Variants in CEP170 observed in about 807,000 individuals in gnomAD.
CEP170 encodes the protein centrosomal protein of 170 kDa.
In CEP170, 21 loss-of-function variants were observed where a neutral mutation model predicts 151.9. That is an observed-to-expected ratio of 0.14 (90% CI 0.10 to 0.20). CEP170 has a LOEUF of 0.20. CEP170 is among the 10% of genes least tolerant of loss of function. The pLI is 1.00. For synonymous variants in CEP170, 356 were observed against 648.8 expected (o/e 0.55, Z 6.86); for missense variants, 964 against 1,892.9 (o/e 0.51, Z 9.11).
chr1:243,175,921 C>A (rs1328490736), intron 10 of CEP170, among the ~76,000 whole-genome samples: 2 of 152,080 alleles, frequency 1.3e-5, no homozygotes. Context: ...CTCAGCCTCC[C>A]GAGTAGCTGG....
chr1:243,205,918 A>G (rs1028803839), intron 4 of CEP170, among the ~76,000 whole-genome samples: 1 of 151,982 alleles, frequency 6.6e-6, no homozygotes, highest in African/African-American at 2.4e-5. Context: ...GAACAAAAAA[A>G]CAACAAACAA....
chr1:243,227,725 TGTCA>T (rs1483704493), intron 1 of CEP170, among the ~76,000 whole-genome samples: 1 of 152,230 alleles, frequency 6.6e-6, no homozygotes, highest in Non-Finnish European at 1.5e-5. Context: ...GTTTTTGTAA[TGTCA>T]GGGCAAATGT....
chr1:243,211,811 T>C, intron 4 of CEP170, 75 bp downstream of exon 4: 14 of 1,515,358 alleles, frequency 9.2e-6, no homozygotes, highest in Non-Finnish European at 1.3e-5. Flanking sequence ...GAATTGTGTT[T>C]TAAAAATGTT....
chr1:243,149,775 A>C (rs1465464630), intron 14 of CEP170, among the ~76,000 whole-genome samples: 1 of 152,254 alleles, frequency 6.6e-6, no homozygotes, highest in Non-Finnish European at 1.5e-5. Flanking sequence ...GAAAAGCATT[A>C]TATTACCTTA....
intron 1 of CEP170, among the ~76,000 whole-genome samples, chr1:243,233,741 A>AAAAAAATATAT: frequency 7.1e-6 from 1 of 140,414 alleles, no homozygotes; most frequent in African/African-American, 2.6e-5. Flanking sequence ...TCAAAAAAAA[A>AAAAAAATATAT]ATATATATAT....
Position 243,164,620 on chromosome 1 carries a change from T to C in CEP170, c.3340A>G (p.Ser1114Gly), listed in dbSNP as rs781587995. The change falls in exon 13 of 20, where the codon AGT becomes GGT. Residue 1114 changes from serine (S) to glycine (G), a missense_variant. Coordinates refer to ENST00000366542, the MANE Select transcript of CEP170 (RefSeq NM_014812.3). ...GCTTTGTCAGCATCAGCAAGTTCAC[T>C]GTCTGAAGCTTCACCAAGTCGTGCT... ...RRARLGEASD[S>G]ELADADKASV... 5 of 1,613,806 alleles carry C rather than the reference T, an allele frequency of 3.1e-6. No homozygotes were observed. The highest frequency in any genetic ancestry group is 2.2e-5 in the East Asian group (1 of 44,888).
At chr1:243,253,183 C>T (rs2066105761) in intron 1 of CEP170, 1 of 152,154 alleles carries the variant, frequency 6.6e-6, no homozygotes, top group Non-Finnish European at 1.5e-5. Context: ...GACATCTTTC[C>T]TCATGTAGTA....
chr1:243,200,719 G>A (rs774148503), intron 5 of CEP170, 39 bp from the exon 6 acceptor site: 8 of 1,602,840 alleles, frequency 5.0e-6, no homozygotes, highest in African/African-American at 1.3e-5. Context: ...ACATCAAGAA[G>A]TAAAATCAAC....
At chr1:243,230,096 A>G (rs924035840) in intron 1 of CEP170, among the ~76,000 whole-genome samples, 2 of 152,124 alleles carry the variant, frequency 1.3e-5, no homozygotes, top group African/African-American at 4.8e-5. Context: ...CACATATGTA[A>G]TCTCTCCACT....
chr1:243,221,640 G>A, intron 3 of CEP170, 84 bp downstream of exon 3: 1 of 1,331,134 alleles, frequency 7.5e-7, no homozygotes, highest in Non-Finnish European at 1.0e-6. Context: ...AAAAGAAAAT[G>A]TAGCTAGGAA....
At position 243,166,101 on chromosome 1, in the gene CEP170, T is replaced by G; in HGVS notation, c.1859A>C (p.Glu620Ala). The G allele has an allele frequency of 1.9e-6, 3 of 1,612,864 alleles. No individual in the cohort carries two copies. Among genetic ancestry groups the G allele is most frequent in the Non-Finnish European group, 2.5e-6 (3 of 1,179,378 alleles). ...AGTACTTCTCACTGTCATGCCAGAC[T>G]CACTGATCTCTGTCTCTATGAAATA... ...LPLENETEIS[E>A]SGMTVRSTGS... Residue 620 changes from glutamate (E) to alanine (A), a missense_variant, in exon 13 of 20, where the codon GAG becomes GCG. Transcript: ENST00000366542.
At chr1:243,152,438 G>C (rs371158698) in intron 14 of CEP170, among the ~76,000 whole-genome samples, 1 of 148,918 alleles carries the variant, frequency 6.7e-6, no homozygotes, top group African/African-American at 2.5e-5. Flanking sequence ...AGCCAAGATC[G>C]TCTCAATCTC....
In CEP170 at chr1:243,140,022, C is replaced by A; in HGVS notation, c.4145G>T (p.Gly1382Val). 1.2e-6 allele frequency: 2 copies of A among 1,613,944 alleles called. No homozygotes were observed. The highest frequency in any genetic ancestry group is 1.7e-6 in the Non-Finnish European group (2 of 1,179,876). The change falls in exon 16 of 20, where the codon GGT (glycine) becomes GTT (valine). Residue 1382 changes from glycine (G) to valine (V), a missense_variant. Coordinates refer to ENST00000366542, the MANE Select transcript of CEP170 (RefSeq NM_014812.3). The stretch of plus-strand genomic sequence containing the variant: ...TTGAGGTCTTGGATCACCAGATCGA[C>A]CGTTGTTTCCTTCTGGTGTTTTGGA... ...VHSKTPEGNNGRSGDPRPQAA... is the reference protein window; with the variant it reads ...VHSKTPEGNNVRSGDPRPQAA...
chr1:243,237,315 A>T (rs907987262), intron 1 of CEP170, among the ~76,000 whole-genome samples: 1 of 152,216 alleles, frequency 6.6e-6, no homozygotes, highest in African/African-American at 2.4e-5. Flanking sequence ...TGTGTTAACT[A>T]TTGAGCACTT....
intron 8 of CEP170, among the ~76,000 whole-genome samples, chr1:243,187,742 C>G (rs2060026460): frequency 6.6e-6 from 1 of 151,880 alleles, no homozygotes; most frequent in Non-Finnish European, 1.5e-5. Context: ...CTAACTGGTC[C>G]CAATGATTTA....
intron 1 of CEP170, among the ~76,000 whole-genome samples, chr1:243,229,770 A>G (rs2063569282): frequency 6.6e-6 from 1 of 152,190 alleles, no homozygotes; most frequent in Non-Finnish European, 1.5e-5. Context: ...CGGACCTAAG[A>G]AACTTCCAAG....
At chr1:243,141,766 C>CT (rs2055859759) in intron 15 of CEP170, among the ~76,000 whole-genome samples, 1 of 152,082 alleles carries the variant, frequency 6.6e-6, no homozygotes, top group African/African-American at 2.4e-5. Context: ...GCATTCCAGA[C>CT]TTTATGAAAA....
chr1:243,215,281 A>G (rs2062163680), intron 3 of CEP170, among the ~76,000 whole-genome samples: 1 of 152,224 alleles, frequency 6.6e-6, no homozygotes, highest in Non-Finnish European at 1.5e-5. Flanking sequence ...TGAAAAAAGA[A>G]CAGGATAACA....
intron 17 of CEP170, among the ~76,000 whole-genome samples, chr1:243,135,568 C>T (rs2054962147): frequency 6.6e-6 from 1 of 152,134 alleles, no homozygotes; most frequent in South Asian, 2.1e-4. Context: ...TGTTTCTTAA[C>T]ATGCCAAGTA....
Sources: gnomAD v4.1 joint callset for allele counts (sites outside exome capture counted in the v4.1 genomes callset) on GRCh38, gnomAD v4.1.1 for gene constraint, MANE v1.5 for transcripts, NCBI Gene and HGNC (gene_info 2026-07-23, HGNC 2026-07-21) for gene names.